The following RAD54B variants were observed in gnomAD, a reference collection of about 807,000 sequenced individuals.
The protein encoded by RAD54B is DNA repair and recombination protein RAD54B.
In RAD54B, 78 loss-of-function variants were observed where a neutral mutation model predicts 95.8. That is an observed-to-expected ratio of 0.81 (90% CI 0.68 to 0.98). The LOEUF (loss-of-function observed/expected upper bound fraction) is 0.98. RAD54B is among the 50% of genes least tolerant of loss of function. The pLI, the probability that RAD54B is intolerant of heterozygous loss-of-function variation, is 0.00. For missense variants in RAD54B, 957 were observed against 1,056.6 expected, an observed-to-expected ratio of 0.91 and a Z score of 1.31; for synonymous variants, 328 against 354.9, an observed-to-expected ratio of 0.92 and a Z score of 0.85.
chr8:94,416,895 GAAT>G lies in RAD54B; in HGVS notation c.305-5583_305-5581del, dbSNP rs2130056533. Reference sequence around the variant, plus strand: ...TACACTCCTAAGTATATGCCCAAAAGAATAATAACATATGTCCACAAAAAAACT... The same window carrying G: ...TACACTCCTAAGTATATGCCCAAAAGAATAACATATGTCCACAAAAAAACT... On this transcript the variant is annotated intron_variant, in intron 3 of 14. Coordinates refer to ENST00000336148, the MANE Select transcript of RAD54B (RefSeq NM_012415.3). Among the ~76,000 whole-genome samples, 3 of 152,188 alleles carry G rather than the reference GAAT, an allele frequency of 2.0e-5. 1 individual carries two copies. In the East Asian group the frequency reaches 5.8e-4, roughly 29 times the overall value.
chr8:94,396,904 G>C (rs1403730654), intron 8 of RAD54B, among the ~76,000 whole-genome samples: 2 of 152,122 alleles, frequency 1.3e-5, no homozygotes, highest in Non-Finnish European at 2.9e-5. Context: ...TTTGCAGAGA[G>C]GATAGAGTAC....
intron 1 of RAD54B, among the ~76,000 whole-genome samples, chr8:94,473,757 C>G (rs1813226148): frequency 6.6e-6 from 1 of 152,196 alleles, no homozygotes; most frequent in Admixed American, 6.5e-5. Flanking sequence ...CAAGAACCAG[C>G]AACGGTCTCT....
chr8:94,463,333 G>A (rs541570308), intron 2 of RAD54B, among the ~76,000 whole-genome samples: 46 of 147,370 alleles, frequency 3.1e-4, no homozygotes, highest in African/African-American at 8.2e-4. Flanking sequence ...ACACATAAAA[G>A]TGCTCCATAT....
At chr8:94,458,136 G>A in intron 3 of RAD54B, 132 bp downstream of exon 3, 1 of 789,952 alleles carries the variant, frequency 1.3e-6, no homozygotes, top group Non-Finnish European at 1.9e-6. Flanking sequence ...CAAAAAACCT[G>A]AACTACCAAC....
chr8:94,407,743 A>G (rs748645151), intron 4 of RAD54B, 23 bp from the exon 5 acceptor site: 4 of 1,591,410 alleles, frequency 2.5e-6, no homozygotes, highest in Non-Finnish European at 3.4e-6. Context: ...AAAGAAAAAA[A>G]TTAATTGACA....
At chr8:94,391,557 A>G (rs1811020054) in intron 10 of RAD54B, 52 bp downstream of exon 10, 5 of 1,538,214 alleles carry the variant, frequency 3.3e-6, no homozygotes, top group Admixed American at 4.1e-5. Flanking sequence ...TTAGATTCAT[A>G]TACTATAGAA....
chr8:94,377,209 T>C (rs992242987), intron 14 of RAD54B, among the ~76,000 whole-genome samples: 1 of 152,148 alleles, frequency 6.6e-6, no homozygotes, highest in African/African-American at 2.4e-5. Flanking sequence ...CTGTCAACTG[T>C]ATGTTTTTTT....
intron 11 of RAD54B, among the ~76,000 whole-genome samples, chr8:94,382,062 C>G (rs1359502144): frequency 4.8e-5 from 7 of 147,324 alleles, no homozygotes; most frequent in Non-Finnish European, 1.0e-4. Context: ...TGCAGTGAGC[C>G]GAGATCGCGC....
At position 94,407,124 on chromosome 8, in the gene RAD54B, TAAAA is replaced by T. The variant is rs34014873; in HGVS notation, c.781+311_781+314del. ...TACATTTACTAATTTCTCTCCTTAC[TAAAA>T]AGTCAGATTTTATTCAAAATTATAC... On this transcript the variant is annotated intron_variant, in intron 5 of 14. Coordinates refer to ENST00000336148, the MANE Select transcript of RAD54B (RefSeq NM_012415.3). Among the ~76,000 whole-genome samples the T allele has an allele frequency of 2.6e-5, 4 of 152,126 alleles. No homozygotes were observed. In the South Asian group the frequency reaches 8.3e-4, roughly 31 times the overall value.
intron 1 of RAD54B, among the ~76,000 whole-genome samples, chr8:94,470,603 A>C (rs1401151723): frequency 6.7e-6 from 1 of 148,854 alleles, no homozygotes. Context: ...CTAAAAAAAA[A>C]AAAAATTAGC....
chr8:94,416,094 T>G (rs1248114733), intron 3 of RAD54B, among the ~76,000 whole-genome samples: 1 of 150,828 alleles, frequency 6.6e-6, no homozygotes, highest in East Asian at 1.9e-4. Flanking sequence ...CTATTCACAA[T>G]AGCAAAGACT....
chr8:94,413,671 C>T (rs1188718011), intron 3 of RAD54B, among the ~76,000 whole-genome samples: 3 of 151,902 alleles, frequency 2.0e-5, no homozygotes, highest in African/African-American at 7.2e-5. Flanking sequence ...AAGCACGAAA[C>T]ATAAAAATCA....
intron 8 of RAD54B, among the ~76,000 whole-genome samples, chr8:94,399,195 A>G (rs1209596695): frequency 2.6e-5 from 4 of 152,186 alleles, no homozygotes; most frequent in Admixed American, 2.0e-4. Context: ...TTATCATGAT[A>G]TCATTGTGTT....
At chr8:94,380,054 A>C (rs1751885956) in intron 12 of RAD54B, 91 bp downstream of exon 12, 4 of 1,382,270 alleles carry the variant, frequency 2.9e-6, no homozygotes, top group Non-Finnish European at 9.8e-7. Flanking sequence ...TATGCAGTGG[A>C]TATTATATAT....
intron 2 of RAD54B, among the ~76,000 whole-genome samples, chr8:94,464,944 A>G (rs2130194327): frequency 6.6e-6 from 1 of 152,190 alleles, no homozygotes; most frequent in Admixed American, 6.5e-5. Context: ...AAACAACCAG[A>G]TATCATGTGG....
At chr8:94,428,852 A>G in intron 3 of RAD54B, 9 of 985,208 alleles carry the variant, frequency 9.1e-6, no homozygotes, top group Non-Finnish European at 1.1e-5. Flanking sequence ...GTCTCAATAC[A>G]AAAAAGAAGA....
rs1427253486 is a variant in RAD54B, at chr8:94,415,586, C to T, written c.305-4271G>A. The stretch of plus-strand genomic sequence containing the variant: ...ACCATCAGAGTGAACAGGCAACCTA[C>T]AAAATGGGAGAAAATTTTCGCAACC... On this transcript the variant is annotated intron_variant, in intron 3 of 14. Coordinates refer to ENST00000336148, the MANE Select transcript of RAD54B (RefSeq NM_012415.3). Among the ~76,000 whole-genome samples, 3 of 133,884 alleles carry T rather than the reference C, an allele frequency of 2.2e-5. No homozygotes were observed. In the South Asian group the frequency reaches 8.1e-4, roughly 36 times the overall value. The allele number at this position is 133,884 out of a possible 152,430, so 87.8% of individuals were successfully genotyped here.
At chr8:94,413,838 T>C (rs7387077) in intron 3 of RAD54B, among the ~76,000 whole-genome samples, 1 of 35,114 alleles carries the variant, frequency 2.8e-5, no homozygotes, top group South Asian at 1.1e-3. Flanking sequence ...TTTTTTTTTT[T>C]TCTTTTTTTT....
chr8:94,471,031 A>G (rs549491137), intron 1 of RAD54B, among the ~76,000 whole-genome samples: 1 of 152,196 alleles, frequency 6.6e-6, no homozygotes, highest in Admixed American at 6.6e-5. Context: ...CTACCTTATC[A>G]TCTAGGAGTC....
Sources: gnomAD v4.1 joint callset for allele counts (sites outside exome capture counted in the v4.1 genomes callset) on GRCh38, gnomAD v4.1.1 for gene constraint, MANE v1.5 for transcripts, NCBI Gene and HGNC (gene_info 2026-07-23, HGNC 2026-07-21) for gene names.